AGTPBP1: variants seen among roughly 807,000 people sequenced by gnomAD.
AGTPBP1 encodes the protein ATP/GTP binding carboxypeptidase 1, also known as cytosolic carboxypeptidase 1.
In AGTPBP1, 70 loss-of-function variants were observed where a neutral mutation model predicts 143.9. The ratio of observed to expected loss-of-function variants is 0.49; its 90% CI spans 0.40 to 0.59. The LOEUF is 0.59. Ranked by LOEUF, AGTPBP1 falls within the 20% of genes least tolerant of loss-of-function variation. AGTPBP1 has a pLI of 0.00. For missense variants in AGTPBP1, 1,229 were observed against 1,464.5 expected, an observed-to-expected ratio of 0.84 and a Z score of 2.62; for synonymous variants, 463 against 500.2, an observed-to-expected ratio of 0.93 and a Z score of 0.99.
At chr9:85,647,555 T>C (rs1009673263) in intron 11 of AGTPBP1, among the ~76,000 whole-genome samples, 4 of 152,180 alleles carry the variant, frequency 2.6e-5, no homozygotes, top group Non-Finnish European at 5.9e-5. Flanking sequence ...GTAATTATAA[T>C]ACCAAAGATA....
intron 17 of AGTPBP1, among the ~76,000 whole-genome samples, chr9:85,615,137 C>G (rs891959066): frequency 6.6e-6 from 1 of 152,002 alleles, no homozygotes; most frequent in Non-Finnish European, 1.5e-5. Flanking sequence ...AAGTTAAATC[C>G]CAATTCACAG....
chr9:85,689,944 A>ATATATATATC (rs1248531347), intron 3 of AGTPBP1, among the ~76,000 whole-genome samples: 4 of 137,710 alleles, frequency 2.9e-5, no homozygotes, highest in African/African-American at 5.5e-5. Flanking sequence ...ATATATATAT[A>ATATATATATC]TATCTTAAAG....
intron 14 of AGTPBP1, among the ~76,000 whole-genome samples, chr9:85,630,753 T>G (rs997041714): frequency 6.6e-6 from 1 of 151,962 alleles, no homozygotes; most frequent in African/African-American, 2.4e-5. Context: ...GTGCTGGGAT[T>G]AGAGGGGTGA....
At chr9:85,790,442 T>G in the AGTPBP1 span, among the ~76,000 whole-genome samples, 1 of 152,222 alleles carries the variant, frequency 6.6e-6, no homozygotes, top group African/African-American at 2.4e-5. Context: ...TGGAATGTAC[T>G]GCATACAAAG....
chr9:85,569,687 T>G lies in AGTPBP1; in HGVS notation c.3503+5628A>C, dbSNP rs116938517. Among the ~76,000 whole-genome samples, 110 of 152,342 alleles carry G rather than the reference T, an allele frequency of 7.2e-4. 1 individual carries two copies. The East Asian group carries it at 0.019, about 27-fold the overall frequency. ...ACGCTAGTAGCGTGTCATATTACACTGGAAGTATCCACCTCAAAAAACAAC... is the reference window on the plus strand; with the variant it reads ...ACGCTAGTAGCGTGTCATATTACACGGGAAGTATCCACCTCAAAAAACAAC... On this transcript the variant is annotated intron_variant, in intron 25 of 25. Transcript: ENST00000357081.
At chr9:85,600,914 C>A (rs1298115495) in intron 17 of AGTPBP1, among the ~76,000 whole-genome samples, 1 of 152,152 alleles carries the variant, frequency 6.6e-6, no homozygotes, top group Non-Finnish European at 1.5e-5. Context: ...GACCCCACTT[C>A]CCAGCAGCAA....
chr9:85,586,994 C>CTGGT (rs1308826070), intron 21 of AGTPBP1, 34 bp from the exon 22 acceptor site: 1 of 1,612,384 alleles, frequency 6.2e-7, no homozygotes, highest in South Asian at 1.1e-5. Flanking sequence ...CAGAAAAACA[C>CTGGT]TGGTACCCAT....
intron 13 of AGTPBP1, among the ~76,000 whole-genome samples, chr9:85,637,155 C>T (rs1832121211): frequency 6.6e-6 from 1 of 151,632 alleles, no homozygotes; most frequent in African/African-American, 2.4e-5. Flanking sequence ...GATTCTCCTG[C>T]CTCAGCCTCC....
chr9:85,684,978 T>TA (rs34613140), intron 3 of AGTPBP1, among the ~76,000 whole-genome samples: 52 of 140,286 alleles, frequency 3.7e-4, no homozygotes, highest in Admixed American at 9.2e-4. Context: ...CACTTGAGAA[T>TA]AAAAAAAAAA....
At chr9:85,664,527 C>T (rs1297876135) in intron 8 of AGTPBP1, among the ~76,000 whole-genome samples, 2 of 152,072 alleles carry the variant, frequency 1.3e-5, no homozygotes, top group African/African-American at 2.4e-5. Context: ...GGCTTTAGCC[C>T]AGCCTATGTC....
the AGTPBP1 span, among the ~76,000 whole-genome samples, chr9:85,779,990 G>A: frequency 1.3e-5 from 2 of 152,096 alleles, no homozygotes; most frequent in Non-Finnish European, 2.9e-5. Flanking sequence ...CATACTTTAT[G>A]GGGATTCTGA....
rs10481766 is a variant in AGTPBP1 at position 85,738,467 on chromosome 9, G to T, written c.-34+3308C>A. On this transcript the variant is annotated intron_variant, in intron 1 of 25. Transcript: ENST00000357081. ...ATGCTTAAAAAAATTGATTTTGTGTGCCCTGGAAACAACATACAATATTCT... is the reference window on the plus strand; with the variant it reads ...ATGCTTAAAAAAATTGATTTTGTGTTCCCTGGAAACAACATACAATATTCT... 8.9e-4 allele frequency among the ~76,000 whole-genome samples: 135 copies of T among 152,220 alleles called. 3 individuals carry two copies. The highest frequency in any genetic ancestry group is 2.7e-3 in the African/African-American group (112 of 41,554).
chr9:85,547,249 A>G lies in AGTPBP1; in HGVS notation c.3541T>C (p.Phe1181Leu), dbSNP rs201905471. The change falls in exon 26 of 26, where the codon TTC becomes CTC. Residue 1181 changes from phenylalanine (F) to leucine (L), a missense_variant. Around this residue, in one of 2 missense-constraint regions of AGTPBP1, gnomAD observed 486 missense variants for 652.3 expected, o/e 0.75. Coordinates refer to ENST00000357081, the MANE Select transcript of AGTPBP1 (RefSeq NM_001330701.2). ...GCACTGTAATCAACTTCTTCAAGGA[A>G]TCGAGGTTCATCTTCATCCAAGACA... The part of the protein sequence containing the change: ...TYVLDEDEPR[F>L]LEEVDYSAES... 23 of 1,612,608 alleles carry G rather than the reference A, an allele frequency of 1.4e-5. No individual in the cohort carries two copies. The highest frequency in any genetic ancestry group is 1.8e-5 in the Non-Finnish European group (21 of 1,179,452).
At chr9:85,661,465 A>G (rs2133982497) in intron 8 of AGTPBP1, among the ~76,000 whole-genome samples, 1 of 152,234 alleles carries the variant, frequency 6.6e-6, no homozygotes, top group South Asian at 2.1e-4. Context: ...ATTTAAGGCC[A>G]TAATAAAGGT....
At chr9:85,752,649 A>G in the AGTPBP1 span, among the ~76,000 whole-genome samples, 2 of 152,192 alleles carry the variant, frequency 1.3e-5, no homozygotes, top group Admixed American at 1.3e-4. Flanking sequence ...TCTGATCACT[A>G]TACATTATAT....
chr9:85,625,590 T>TA (rs1173389079), intron 14 of AGTPBP1, among the ~76,000 whole-genome samples: 1 of 151,976 alleles, frequency 6.6e-6, no homozygotes, highest in Non-Finnish European at 1.5e-5. Context: ...TTTTTAAAAA[T>TA]ACAGTTTTTT....
intron 17 of AGTPBP1, among the ~76,000 whole-genome samples, chr9:85,605,276 T>C (rs1315758848): frequency 6.6e-6 from 1 of 152,134 alleles, no homozygotes; most frequent in African/African-American, 2.4e-5. Context: ...GGAACTCCAA[T>C]ATATCTGGTA....
At chr9:85,673,309 C>A (rs1255246835) in intron 6 of AGTPBP1, among the ~76,000 whole-genome samples, 1 of 152,040 alleles carries the variant, frequency 6.6e-6, no homozygotes, top group Non-Finnish European at 1.5e-5. Flanking sequence ...AACTGCTCCA[C>A]TACACATATA....
At chr9:85,786,675 G>A in the AGTPBP1 span, 2 of 1,309,116 alleles carry the variant, frequency 1.5e-6, no homozygotes, top group Non-Finnish European at 2.0e-6. Flanking sequence ...TCTTTCCTCA[G>A]CATAAAGGAA....
Sources: gnomAD v4.1 joint callset for allele counts (sites outside exome capture counted in the v4.1 genomes callset) on GRCh38, gnomAD v4.1.1 for gene constraint, gnomAD v4.1.1 regional missense constraint, MANE v1.5 for transcripts, NCBI Gene and HGNC (gene_info 2026-07-23, HGNC 2026-07-21) for gene names.